Variants in TRIM2 observed in about 807,000 individuals in gnomAD.
The protein encoded by TRIM2 is tripartite motif containing 2, also known as tripartite motif-containing protein 2.
Under a neutral mutation model 75.2 loss-of-function variants are expected in TRIM2, and 20 were observed. The ratio of observed to expected loss-of-function variants is 0.27; its 90% CI spans 0.19 to 0.39. The LOEUF (loss-of-function observed/expected upper bound fraction) is 0.39, where lower values mean the gene tolerates loss of function less well. Ranked by LOEUF, TRIM2 falls within the 10% of genes least tolerant of loss-of-function variation. TRIM2 has a pLI of 1.00. For synonymous variants in TRIM2, 373 were observed against 388.3 expected, an observed-to-expected ratio of 0.96 and a Z score of 0.46; for missense variants, 660 against 990.8, an observed-to-expected ratio of 0.67 and a Z score of 4.48.
At chr4:153,254,449 A>G (rs1318168479) in intron 1 of TRIM2, among the ~76,000 whole-genome samples, 5 of 152,228 alleles carry the variant, frequency 3.3e-5, no homozygotes, top group African/African-American at 1.2e-4. Context: ...CAAGAAGTCA[A>G]TAAGGTGTGC....
chr4:153,262,180 C>G (rs902319437), intron 1 of TRIM2, among the ~76,000 whole-genome samples: 3 of 152,200 alleles, frequency 2.0e-5, no homozygotes, highest in Non-Finnish European at 2.9e-5. Flanking sequence ...ACCAAGACAA[C>G]AGTATTGCAA....
chr4:153,314,556 T>C (rs1446614608), intron 6 of TRIM2, among the ~76,000 whole-genome samples: 1 of 151,598 alleles, frequency 6.6e-6, no homozygotes, highest in East Asian at 1.9e-4. Context: ...GAGACCAGCC[T>C]GGGCAATATC....
In TRIM2 at chr4:153,181,136, G is replaced by A. The variant is rs1180503059; in HGVS notation, c.-49+27866G>A. 2.6e-5 allele frequency among the ~76,000 whole-genome samples: 4 copies of A among 152,172 alleles called. No individual in the cohort carries two copies. The South Asian group carries it at 6.2e-4, about 24-fold the overall frequency. ...GATGAGCTGGCATGATTCTAAGTAC[G>A]AACTTATGTATTCTCCTAACACCTC... On this transcript the variant is annotated intron_variant, in intron 1 of 11. Transcript: ENST00000437508.
chr4:153,200,502 A>T (rs1465626114), upstream of TRIM2, among the ~76,000 whole-genome samples: 1 of 152,080 alleles, frequency 6.6e-6, no homozygotes, highest in Non-Finnish European at 1.5e-5. Context: ...TATGGGATGT[A>T]CACGTATTTG....
intron 6 of TRIM2, among the ~76,000 whole-genome samples, chr4:153,314,419 CAAAAAAAAA>C (rs58410286): frequency 3.4e-5 from 2 of 58,882 alleles, no homozygotes; most frequent in African/African-American, 6.6e-5. Flanking sequence ...GACTCCGTCT[CAAAAAAAAA>C]AAAAAAAAAA....
At chr4:153,257,456 T>A in intron 1 of TRIM2, 1 of 1,241,772 alleles carries the variant, frequency 8.1e-7, no homozygotes, top group South Asian at 1.4e-5. Flanking sequence ...AAGGGGGTCT[T>A]CCACTTGTTA....
intron 1 of TRIM2, among the ~76,000 whole-genome samples, chr4:153,246,392 C>T (rs183996841): frequency 1.3e-4 from 20 of 152,252 alleles, no homozygotes; most frequent in African/African-American, 4.3e-4. Flanking sequence ...TTCTTATCCA[C>T]CACAGAACAC....
chr4:153,299,110 T>C (rs542163214), intron 6 of TRIM2, among the ~76,000 whole-genome samples: 3 of 152,110 alleles, frequency 2.0e-5, no homozygotes, highest in Non-Finnish European at 4.4e-5. Context: ...TTAACTAAAT[T>C]TTTCTGTCTT....
At chr4:153,284,979 C>CT (rs1366126610) in intron 3 of TRIM2, among the ~76,000 whole-genome samples, 1 of 151,806 alleles carries the variant, frequency 6.6e-6, no homozygotes, top group Non-Finnish European at 1.5e-5. Context: ...TCTTTTGTTG[C>CT]TTGTGCTTTT....
upstream of TRIM2, among the ~76,000 whole-genome samples, chr4:153,200,211 G>A (rs868185724): frequency 9.2e-5 from 14 of 152,076 alleles, no homozygotes; most frequent in African/African-American, 1.9e-4. Context: ...GATTACAGGC[G>A]TGAGCCACTG....
intron 2 of TRIM2, among the ~76,000 whole-genome samples, chr4:153,271,973 C>T (rs1025192057): frequency 6.6e-6 from 1 of 152,148 alleles, no homozygotes; most frequent in East Asian, 1.9e-4. Context: ...ACTCTGGCTG[C>T]CCTAGGTCTG....
intron 9 of TRIM2, among the ~76,000 whole-genome samples, chr4:153,323,860 AAG>A (rs1352327210): frequency 5.3e-5 from 8 of 152,162 alleles, no homozygotes; most frequent in Admixed American, 2.6e-4. Flanking sequence ...CTGCTTGAGA[AAG>A]AGTCAGAATA....
At chr4:153,280,069 G>A (rs538104388) in intron 3 of TRIM2, among the ~76,000 whole-genome samples, 2 of 149,162 alleles carry the variant, frequency 1.3e-5, no homozygotes, top group Admixed American at 6.7e-5. Flanking sequence ...GCGAGACCCT[G>A]CCCCTACCCC....
chr4:153,189,169 T>C (rs969355901), intron 1 of TRIM2, among the ~76,000 whole-genome samples: 17 of 152,292 alleles, frequency 1.1e-4, no homozygotes, highest in African/African-American at 3.8e-4. Context: ...CGTTTCTAAC[T>C]AGAATGCTGT....
intron 1 of TRIM2, among the ~76,000 whole-genome samples, chr4:153,153,714 C>T (rs1728949062): frequency 6.6e-6 from 1 of 152,210 alleles, no homozygotes; most frequent in Non-Finnish European, 1.5e-5. Flanking sequence ...GTGGCGGCTG[C>T]GGCCGGTCCT....
rs758823432 is a variant in TRIM2 at position 153,322,637 on chromosome 4, G to A, written c.1783-11G>A. On this transcript the variant is annotated splice_polypyrimidine_tract_variant and intron_variant, in intron 8 of 11. Transcript: ENST00000338700. ...ATACTGTACTTCTATTTCTGTACTT[G>A]TTTCAAACAGACAAAAATTGGATCA... is the stretch of plus-strand genomic sequence containing the variant. 1 of 1,612,774 alleles carries A rather than the reference G, an allele frequency of 6.2e-7. No individual in the cohort carries two copies. The highest frequency in any genetic ancestry group is 1.7e-5 in the Admixed American group (1 of 59,998).
intron 1 of TRIM2, among the ~76,000 whole-genome samples, chr4:153,268,168 A>G (rs1755756407): frequency 6.6e-6 from 1 of 152,236 alleles, no homozygotes; most frequent in South Asian, 2.1e-4. Context: ...AGGCTCTGCA[A>G]AACATCTCAA....
intron 1 of TRIM2, among the ~76,000 whole-genome samples, chr4:153,194,216 A>C (rs948435477): frequency 6.6e-6 from 1 of 152,256 alleles, no homozygotes; most frequent in South Asian, 2.1e-4. Context: ...ATTTGCATTC[A>C]TAATCTCTCA....
chr4:153,222,049 G>GAA (rs1560836441), intron 1 of TRIM2, among the ~76,000 whole-genome samples: 5 of 147,818 alleles, frequency 3.4e-5, no homozygotes, highest in Admixed American at 6.8e-5. Context: ...AGCGAGGAAG[G>GAA]GAGGGAGGAA....
Sources: allele counts gnomAD v4.1 joint callset (sites outside exome capture counted in the v4.1 genomes callset), GRCh38; gene constraint gnomAD v4.1.1; transcripts MANE v1.5; gene names NCBI Gene and HGNC (gene_info 2026-07-23, HGNC 2026-07-21).